PTPRT: variants seen among roughly 807,000 people sequenced by gnomAD.
PTPRT encodes the protein receptor-type tyrosine-protein phosphatase T.
A neutral mutation model predicts 176.8 loss-of-function variants in PTPRT; 56 were observed. That is an observed-to-expected ratio of 0.32 (90% CI 0.26 to 0.40). PTPRT has a LOEUF of 0.40. Ranked by LOEUF, PTPRT falls within the 10% of genes least tolerant of loss-of-function variation. The pLI is 1.00. For missense variants in PTPRT, 1,540 were observed against 1,908.2 expected, an observed-to-expected ratio of 0.81 and a Z score of 3.60; for synonymous variants, 783 against 739.0, an observed-to-expected ratio of 1.06 and a Z score of -0.96.
intron 7 of PTPRT, among the ~76,000 whole-genome samples, chr20:42,617,905 G>A (rs371661423): frequency 7.3e-6 from 1 of 137,886 alleles, no homozygotes; most frequent in Non-Finnish European, 1.5e-5. Context: ...TGGATTCATT[G>A]ATTTTTTGAA....
chr20:43,067,691 G>C (rs2011125031), intron 1 of PTPRT, among the ~76,000 whole-genome samples: 1 of 151,648 alleles, frequency 6.6e-6, no homozygotes, highest in African/African-American at 2.4e-5. Flanking sequence ...GCAAGGCACA[G>C]TGGCTCACAT....
chr20:43,100,255 T>C (rs1056542227), intron 1 of PTPRT, among the ~76,000 whole-genome samples: 1 of 152,100 alleles, frequency 6.6e-6, no homozygotes, highest in African/African-American at 2.4e-5. Context: ...CACACGCCTG[T>C]AATCCCCGCT....
intron 7 of PTPRT, among the ~76,000 whole-genome samples, chr20:42,560,243 A>G (rs1437282056): frequency 2.0e-5 from 3 of 152,164 alleles, no homozygotes; most frequent in Non-Finnish European, 4.4e-5. Flanking sequence ...GGTTATATTC[A>G]GCCAATAGGA....
chr20:42,867,887 G>A (rs1000787235), intron 2 of PTPRT, among the ~76,000 whole-genome samples: 3 of 151,930 alleles, frequency 2.0e-5, no homozygotes, highest in Admixed American at 2.0e-4. Flanking sequence ...TCACCATGTT[G>A]ACCAGGCTGG....
At chr20:42,360,273 GC>G (rs2058415229) in intron 9 of PTPRT, among the ~76,000 whole-genome samples, 1 of 152,022 alleles carries the variant, frequency 6.6e-6, no homozygotes, top group Non-Finnish European at 1.5e-5. Context: ...AACACCTCTG[GC>G]CCCTCCAATC....
intron 1 of PTPRT, among the ~76,000 whole-genome samples, chr20:43,163,895 T>C (rs2014782191): frequency 6.6e-6 from 1 of 152,174 alleles, no homozygotes; most frequent in Non-Finnish European, 1.5e-5. Flanking sequence ...TTCCTAAAAA[T>C]GAGTTGCAAA....
Position 42,075,065 on chromosome 20 carries a change from C to T in PTPRT, c.*5814G>A, listed in dbSNP as rs1982640392. The T allele has an allele frequency of 5.2e-6, 2 of 386,294 alleles. No homozygotes were observed. Among genetic ancestry groups the T allele is most frequent in the Non-Finnish European group, 9.1e-6 (2 of 218,904 alleles). 23.9% of individuals were successfully genotyped at this position (386,294 alleles called of 1,614,324 possible). A position where few individuals can be genotyped will look rare whatever the true frequency, so the allele number is the denominator to read the frequency against. On this transcript the variant is annotated 3_prime_UTR_variant, in exon 31 of 31. Transcript: ENST00000373187. ...CTATGACCTCAAAGGCAGATCCCTG[C>T]AAGACAAAGCCAAGGCCTTGCATTC... is the stretch of plus-strand genomic sequence containing the variant.
intron 9 of PTPRT, among the ~76,000 whole-genome samples, chr20:42,352,995 A>C (rs2058308329): frequency 6.6e-6 from 1 of 152,238 alleles, no homozygotes; most frequent in Non-Finnish European, 1.5e-5. Flanking sequence ...CAGTGTATCC[A>C]AACTATTATC....
At chr20:43,078,939 A>C (rs1394458644) in intron 1 of PTPRT, among the ~76,000 whole-genome samples, 14 of 152,082 alleles carry the variant, frequency 9.2e-5, no homozygotes, top group Non-Finnish European at 1.9e-4. Flanking sequence ...AGACACACAT[A>C]AATACACATG....
chr20:42,782,229 T>G (rs1384029083), intron 3 of PTPRT, among the ~76,000 whole-genome samples: 2 of 152,004 alleles, frequency 1.3e-5, no homozygotes, highest in African/African-American at 4.8e-5. Flanking sequence ...TAGGCATTCC[T>G]CCTTCTCCAT....
intron 12 of PTPRT, among the ~76,000 whole-genome samples, chr20:42,289,845 T>C (rs1254573133): frequency 1.3e-5 from 2 of 152,098 alleles, no homozygotes; most frequent in South Asian, 4.1e-4. Context: ...TTCTATGATC[T>C]AGAGTGTATA....
Position 42,199,288 on chromosome 20 carries a change from G to A in PTPRT, c.2443C>T (p.Arg815Cys), listed in dbSNP as rs773152433. 5 of 1,614,050 alleles carry A rather than the reference G, an allele frequency of 3.1e-6. No homozygotes were observed. The highest frequency in any genetic ancestry group is 4.2e-6 in the Non-Finnish European group (5 of 1,180,026). ...DKPTTKLSAS[R>C]NDEGFSSSSQ... ...CTAGAAGAGAAGCCTTCATCATTGC[G>A]GCTGGCGCTGAGCTTGGTGGTGGGT... The change falls in exon 16 of 31, where the codon CGC (arginine) becomes TGC (cysteine). Residue 815 changes from arginine (R) to cysteine (C), a missense_variant. Physicochemically the swap from Arg to Cys is radical, Grantham distance 180. Transcript: ENST00000373187.
chr20:42,902,285 C>G (rs1287102986), intron 1 of PTPRT, among the ~76,000 whole-genome samples: 1 of 152,158 alleles, frequency 6.6e-6, no homozygotes, highest in African/African-American at 2.4e-5. Flanking sequence ...CAGCAAGTTC[C>G]ACTTCCTGGA....
chr20:42,522,492 A>C (rs1342473042), intron 7 of PTPRT, among the ~76,000 whole-genome samples: 4 of 151,752 alleles, frequency 2.6e-5, no homozygotes, highest in Non-Finnish European at 4.4e-5. Flanking sequence ...AGTCTCACTC[A>C]CTCTATTGCT....
intron 17 of PTPRT, among the ~76,000 whole-genome samples, chr20:42,156,714 C>T (rs1473304226): frequency 6.6e-6 from 1 of 152,196 alleles, no homozygotes; most frequent in African/African-American, 2.4e-5. Context: ...CCCTTAATTC[C>T]TTTTGTAACA....
chr20:42,441,793 C>A lies in PTPRT; in HGVS notation c.1560+6427G>T, dbSNP rs923841491. On this transcript the variant is annotated intron_variant, in intron 9 of 30. Transcript: ENST00000373187. ...ATGACGCTCTCATTTCTGGCTTGAA[C>A]AATTTAGAGGAAACAAGAGCTTTTT... is the stretch of plus-strand genomic sequence containing the variant. Among the ~76,000 whole-genome samples the A allele has an allele frequency of 5.0e-4, 76 of 152,202 alleles. 3 individuals are homozygous for A. Among genetic ancestry groups the A allele is most frequent in the Non-Finnish European group, 4.4e-5 (3 of 68,034 alleles).
intron 24 of PTPRT, 127 bp downstream of exon 24, chr20:42,106,659 C>A: frequency 7.7e-7 from 1 of 1,302,310 alleles, no homozygotes; most frequent in South Asian, 1.5e-5. Flanking sequence ...TCTACTCCCT[C>A]CTGCTTCTCT....
rs149430617 is a variant in PTPRT, at chr20:42,302,942, A to T, written c.2139+12781T>A. On this transcript the variant is annotated intron_variant, in intron 12 of 30. Transcript: ENST00000373187. ...ATCTGCTGAAAGAAGAGAACTGGACAATCAATAAGCTCCCTTCCAATACTG... is the reference window on the plus strand; with the variant it reads ...ATCTGCTGAAAGAAGAGAACTGGACTATCAATAAGCTCCCTTCCAATACTG... Among the ~76,000 whole-genome samples, 574 of 152,316 alleles carry T rather than the reference A, an allele frequency of 3.8e-3. 3 individuals are homozygous for T. Among genetic ancestry groups the T allele is most frequent in the African/African-American group, 0.013 (542 of 41,564 alleles).
At chr20:42,540,737 T>C (rs985221624) in intron 7 of PTPRT, among the ~76,000 whole-genome samples, 6 of 152,202 alleles carry the variant, frequency 3.9e-5, no homozygotes, top group Admixed American at 3.3e-4. Flanking sequence ...ATAATAGTTG[T>C]GCAGGAAGGG....
Sources: allele counts gnomAD v4.1 joint callset (sites outside exome capture counted in the v4.1 genomes callset), GRCh38; gene constraint gnomAD v4.1.1; transcripts MANE v1.5; gene names NCBI Gene and HGNC (gene_info 2026-07-23, HGNC 2026-07-21).